The following LINGO1 variants were observed in gnomAD, a reference collection of about 807,000 sequenced individuals.
LINGO1 encodes the protein leucine-rich repeat and immunoglobulin-like domain-containing nogo receptor-interacting protein 1.
LINGO1 carries 11 observed loss-of-function variants against 37.3 expected under a neutral mutation model. The ratio of observed to expected loss-of-function variants is 0.29; its 90% CI spans 0.19 to 0.49. LINGO1 has a LOEUF of 0.49. Ranked by LOEUF, LINGO1 falls within the 20% of genes least tolerant of loss-of-function variation. The pLI is 0.99. For synonymous variants in LINGO1, 387 were observed against 403.0 expected (o/e 0.96, Z 0.48); for missense variants, 585 against 878.2 (o/e 0.67, Z 4.22).
chr15:77,814,535 G>C lies in LINGO1; in HGVS notation c.-458+5723C>G, dbSNP rs1176766248. ...GACCCACTTCCCTTTCCTGCAGAGG[G>C]CAAAACATCAGCTAACATTTACTGA... is the stretch of plus-strand genomic sequence containing the variant. On this transcript the variant is annotated intron_variant, in intron 1 of 5. Transcript: ENST00000562933. Among the ~76,000 whole-genome samples, 7 of 152,192 alleles carry C rather than the reference G, an allele frequency of 4.6e-5. No individual in the cohort carries two copies. The East Asian group carries it at 1.3e-3, about 29-fold the overall frequency.
In LINGO1 at chr15:77,798,191, A is replaced by C. The variant is rs182222380; in HGVS notation, c.-457-2138T>G. ...ACATAGTGGTGCCAGCCTAGGACAC[A>C]GGGGTAGCAGAGCCTGGGCAGCTCC... is the stretch of plus-strand genomic sequence containing the variant. On this transcript the variant is annotated intron_variant, in intron 1 of 5. Transcript: ENST00000562933. Among the ~76,000 whole-genome samples, 68 of 152,324 alleles carry C rather than the reference A, an allele frequency of 4.5e-4. 1 individual carries two copies. Among genetic ancestry groups the C allele is most frequent in the Admixed American group, 3.6e-3 (55 of 15,300 alleles).
intron 1 of LINGO1, among the ~76,000 whole-genome samples, chr15:77,756,754 G>A (rs1277802847): frequency 6.6e-6 from 1 of 152,206 alleles, no homozygotes; most frequent in Non-Finnish European, 1.5e-5. Flanking sequence ...CACTTTAGGA[G>A]AACGTGCTCA....
At chr15:77,732,695 G>A (rs1218536426) in intron 2 of LINGO1, among the ~76,000 whole-genome samples, 3 of 152,240 alleles carry the variant, frequency 2.0e-5, no homozygotes, top group Non-Finnish European at 2.9e-5. Flanking sequence ...GCCCACGCCA[G>A]CCCTGCCTGC....
At chr15:77,621,573 A>AGG (rs141729767) in intron 1 of LINGO1, among the ~76,000 whole-genome samples, 3 of 151,584 alleles carry the variant, frequency 2.0e-5, no homozygotes, top group African/African-American at 4.9e-5. Flanking sequence ...AGGCCAGGCC[A>AGG]GGGGAGGGGC....
upstream of LINGO1, among the ~76,000 whole-genome samples, chr15:77,699,280 A>C (rs537115322): frequency 6.6e-5 from 10 of 152,164 alleles, no homozygotes; most frequent in Admixed American, 2.0e-4. Flanking sequence ...GACCCTGCAC[A>C]CAGTAAGTGC....
chr15:77,714,083 G>C (rs1030231763), intron 2 of LINGO1, among the ~76,000 whole-genome samples: 2 of 152,056 alleles, frequency 1.3e-5, no homozygotes, highest in Non-Finnish European at 2.9e-5. Context: ...CTGTCAATAG[G>C]ACACCTCTGC....
intron 1 of LINGO1, among the ~76,000 whole-genome samples, chr15:77,617,558 C>T (rs1260819778): frequency 2.0e-5 from 3 of 152,178 alleles, no homozygotes; most frequent in African/African-American, 7.2e-5. Flanking sequence ...GGATGTCCCA[C>T]CTCTCCACCC....
At chr15:77,648,347 G>C in intron 3 of LINGO1, 1 of 161,018 alleles carries the variant, frequency 6.2e-6, no homozygotes, top group East Asian at 1.8e-4. Context: ...CACTAGCCCA[G>C]CTACTGTCAC....
chr15:77,709,921 G>T (rs766862326), intron 2 of LINGO1, among the ~76,000 whole-genome samples: 1 of 152,192 alleles, frequency 6.6e-6, no homozygotes, highest in Admixed American at 6.5e-5. Flanking sequence ...GACCCCACAC[G>T]GTGTCCCCAG....
rs114504489 is a variant in LINGO1, at chr15:77,785,771, C to T, written c.-257+1098G>A. On this transcript the variant is annotated intron_variant, in intron 1 of 3. Transcript: ENST00000561686. The stretch of plus-strand genomic sequence containing the variant: ...ATCCTCCCGAGCTCTAAGGACCAGA[C>T]ACCTCCAGGAAGCCCTCCCTGACTT... Among the ~76,000 whole-genome samples the T allele has an allele frequency of 3.9e-3, 596 of 152,306 alleles. 4 individuals are homozygous for T. The highest frequency in any genetic ancestry group is 0.014 in the African/African-American group (561 of 41,552).
intron 3 of LINGO1, among the ~76,000 whole-genome samples, chr15:77,662,385 T>C (rs1438118478): frequency 6.6e-6 from 1 of 152,090 alleles, no homozygotes. Context: ...CTGGAGCCCT[T>C]GGGGATGAGG....
At chr15:77,743,022 G>A (rs1323411205) in intron 1 of LINGO1, among the ~76,000 whole-genome samples, 1 of 152,212 alleles carries the variant, frequency 6.6e-6, no homozygotes. Flanking sequence ...CCAGCCCGAC[G>A]CCCAACCTCA....
At chr15:77,675,660 C>A (rs1180209858) in intron 3 of LINGO1, among the ~76,000 whole-genome samples, 1 of 151,958 alleles carries the variant, frequency 6.6e-6, no homozygotes, top group South Asian at 2.1e-4. Flanking sequence ...GGGCTTGAAC[C>A]GCATGCTTTA....
chr15:77,757,940 C>T (rs1384032643), intron 1 of LINGO1, among the ~76,000 whole-genome samples: 1 of 152,204 alleles, frequency 6.6e-6, no homozygotes, highest in Admixed American at 6.5e-5. Flanking sequence ...TGTGTCAGGC[C>T]ATAATAATAT....
At chr15:77,762,729 G>T (rs2076489730) in intron 1 of LINGO1, among the ~76,000 whole-genome samples, 1 of 152,016 alleles carries the variant, frequency 6.6e-6, no homozygotes, top group Non-Finnish European at 1.5e-5. Context: ...TCAGTCCACA[G>T]ATCACCTCCT....
intron 1 of LINGO1, among the ~76,000 whole-genome samples, chr15:77,742,146 T>A (rs1201445757): frequency 2.6e-5 from 4 of 152,214 alleles, no homozygotes; most frequent in African/African-American, 9.7e-5. Context: ...CTAACGGACC[T>A]GACTGAGCCC....
chr15:77,801,112 G>A lies in LINGO1; in HGVS notation c.-457-5059C>T, dbSNP rs542992606. 9.2e-5 allele frequency among the ~76,000 whole-genome samples: 14 copies of A among 152,328 alleles called. No homozygotes were observed. In the East Asian group the frequency reaches 9.6e-4, roughly 10 times the overall value. ...TTTGGAAGGGTAATTTGGCAACACTGATTAACATTTTAACCCAAACACTCT... is the reference window on the plus strand; with the variant it reads ...TTTGGAAGGGTAATTTGGCAACACTAATTAACATTTTAACCCAAACACTCT... On this transcript the variant is annotated intron_variant, in intron 1 of 5. Transcript: ENST00000562933.
chr15:77,686,798 G>A (rs1190972613), intron 2 of LINGO1, among the ~76,000 whole-genome samples: 1 of 152,192 alleles, frequency 6.6e-6, no homozygotes, highest in Non-Finnish European at 1.5e-5. Context: ...TGAATACAGA[G>A]CCATGTCCCT....
chr15:77,620,615 G>C (rs1395136378), intron 1 of LINGO1, among the ~76,000 whole-genome samples: 1 of 152,242 alleles, frequency 6.6e-6, no homozygotes, highest in Non-Finnish European at 1.5e-5. Context: ...GTGTCCCTGA[G>C]GGTGCTGCCA....
Sources: allele counts gnomAD v4.1 joint callset (sites outside exome capture counted in the v4.1 genomes callset), GRCh38; gene constraint gnomAD v4.1.1; transcripts MANE v1.5; gene names NCBI Gene and HGNC (gene_info 2026-07-23, HGNC 2026-07-21).